GTSE1: variants seen among roughly 807,000 people sequenced by gnomAD.
GTSE1 encodes the protein G2 and S-phase expressed 1, also known as G2 and S phase-expressed protein 1.
In GTSE1, 52 loss-of-function variants were observed where a neutral mutation model predicts 60.5. The observed-to-expected ratio is 0.86, with a 90% confidence interval of 0.69 to 1.08. GTSE1 has a LOEUF of 1.08. Among genes scored for constraint, GTSE1 ranks in the 50% least tolerant of loss-of-function variants. The pLI, the probability that GTSE1 is intolerant of heterozygous loss-of-function variation, is 0.00. For missense variants in GTSE1, 937 were observed against 961.8 expected, an observed-to-expected ratio of 0.97 and a Z score of 0.34; for synonymous variants, 368 against 386.5, an observed-to-expected ratio of 0.95 and a Z score of 0.56.
intron 9 of GTSE1, chr22:46,327,151 G>A (rs2077848986): frequency 6.6e-6 from 1 of 152,262 alleles, no homozygotes; most frequent in Non-Finnish European, 1.5e-5. Flanking sequence ...GCAGTGAGCT[G>A]AGATTGCCCC....
rs1329768135 is a variant in GTSE1, at chr22:46,317,065, A to G, written c.1432+653A>G. On this transcript the variant is annotated intron_variant, in intron 7 of 11. Transcript: ENST00000454366. This position sits in a 1 kb window ranked among gnomAD's most constrained non-coding sequence, Gnocchi z 5.6. ...TAACCTCCACCTACCGAGTTCAAGC[A>G]ATTCTCCTGCCTCAGCCTCCCGAGT... Among the ~76,000 whole-genome samples the G allele has an allele frequency of 2.0e-5, 3 of 151,946 alleles. No individual in the cohort carries two copies. The highest frequency in any genetic ancestry group is 4.8e-5 in the African/African-American group (2 of 41,366).
chr22:46,314,044 C>T lies in GTSE1; in HGVS notation c.1051+31C>T. 1 of 1,612,600 alleles carries T rather than the reference C, an allele frequency of 6.2e-7. No individual in the cohort carries two copies. The highest frequency in any genetic ancestry group is 8.5e-7 in the Non-Finnish European group (1 of 1,179,028). On this transcript the variant is annotated intron_variant, in intron 6 of 11. Coordinates refer to ENST00000454366, the MANE Select transcript of GTSE1 (RefSeq NM_016426.7). This position sits in a 1 kb window ranked among gnomAD's most constrained non-coding sequence, Gnocchi z 7.1. ...GCAGCCGGCATCATGCTTGGACCCA[C>T]ATCTGGCCAGGTGAGGCCTGGAGTG...
chr22:46,322,747 G>A (rs907889544), intron 7 of GTSE1, among the ~76,000 whole-genome samples: 2 of 152,318 alleles, frequency 1.3e-5, no homozygotes, highest in Non-Finnish European at 2.9e-5. Flanking sequence ...GTCATGGTTC[G>A]GGAAAATGAG....
intron 4 of GTSE1, 88 bp from the exon 5 acceptor site, chr22:46,312,053 G>A (rs1241474036): frequency 1.8e-6 from 2 of 1,115,218 alleles, no homozygotes; most frequent in African/African-American, 3.1e-5. Context: ...GGAAGATGGG[G>A]CCTAGGCTCG....
At chr22:46,323,724 G>C (rs574818605) in intron 8 of GTSE1, among the ~76,000 whole-genome samples, 151 of 152,148 alleles carry the variant, frequency 9.9e-4, no homozygotes, top group African/African-American at 3.5e-3. Flanking sequence ...GTCTTGCTCT[G>C]TCGCCCAGGC....
At position 46,304,871 on chromosome 22, in the gene GTSE1, C is replaced by T. The variant is rs1024117954; in HGVS notation, c.80-3279C>T. Among the ~76,000 whole-genome samples, 3 of 152,098 alleles carry T rather than the reference C, an allele frequency of 2.0e-5. No homozygotes were observed. The highest frequency in any genetic ancestry group is 6.6e-5 in the Admixed American group (1 of 15,264). Reference sequence around the variant, plus strand: ...GTGCGTGCCTGTAGTCCCAGCTACTCGGGAAGCCGAGACAGGAGGATCCCT... The same window carrying T: ...GTGCGTGCCTGTAGTCCCAGCTACTTGGGAAGCCGAGACAGGAGGATCCCT... On this transcript the variant is annotated intron_variant, in intron 2 of 11. Coordinates refer to ENST00000454366, the MANE Select transcript of GTSE1 (RefSeq NM_016426.7). This position sits in a 1 kb window ranked among gnomAD's most constrained non-coding sequence, Gnocchi z 4.4.
chr22:46,308,799 G>T lies in GTSE1; in HGVS notation c.618G>T (p.Pro206=). 1 of 1,613,210 alleles carries T rather than the reference G, an allele frequency of 6.2e-7. No individual in the cohort carries two copies. Among genetic ancestry groups the T allele is most frequent in the East Asian group, 2.2e-5 (1 of 44,884 alleles). The stretch of plus-strand genomic sequence containing the variant: ...GCCTCACCCGGGCGCCGGGGCCTCC[G>T]CACTCTGCTCATGCTTTGCCCAGGG... The part of the protein sequence containing the change: ...QARLTRAPGP[P]HSAHALPRES... Residue 206 remains proline (P), a synonymous_variant, in exon 4 of 12, where the codon CCG becomes CCT. Transcript: ENST00000454366.
chr22:46,305,185 C>G (rs757219139), intron 2 of GTSE1, among the ~76,000 whole-genome samples: 1 of 152,096 alleles, frequency 6.6e-6, no homozygotes, highest in Non-Finnish European at 1.5e-5. Flanking sequence ...TCCTATGAAT[C>G]TAGTTGGGAC....
In GTSE1 at chr22:46,309,051, C is replaced by A; in HGVS notation, c.762+108C>A. The A allele has an allele frequency of 8.1e-7, 1 of 1,230,580 alleles. No individual in the cohort carries two copies. The highest frequency in any genetic ancestry group is 1.1e-6 in the Non-Finnish European group (1 of 890,206). 76.2% of individuals were successfully genotyped at this position (1,230,580 alleles called of 1,614,324 possible). A position where few individuals can be genotyped will look rare whatever the true frequency, so the allele number is the denominator to read the frequency against. ...CCTCAGAGGTGGCGAGTCTCTGAGGCCTACAAAACACAGGAATGCGGAGTC... is the reference window on the plus strand; with the variant it reads ...CCTCAGAGGTGGCGAGTCTCTGAGGACTACAAAACACAGGAATGCGGAGTC... On this transcript the variant is annotated intron_variant, in intron 4 of 11. Transcript: ENST00000454366. The surrounding 1 kb of genome is among the most constrained non-coding windows in gnomAD (Gnocchi z 6.2).
rs1601920117 is a variant in GTSE1 at position 46,329,454 on chromosome 22, A to G, written c.2023A>G (p.Thr675Ala). ...IDLPLIDFCD[T>A]PEAHVAVGSE... ...CCTTCCTCTCATCGACTTCTGCGAT[A>G]CCCCAGAAGCACACGTGGCTGTAGG... The change falls in exon 11 of 12, where the codon ACC becomes GCC. Residue 675 changes from threonine to alanine, a missense_variant. Coordinates refer to ENST00000454366, the MANE Select transcript of GTSE1 (RefSeq NM_016426.7). The surrounding 1 kb of genome is among the most constrained non-coding windows in gnomAD (Gnocchi z 6.4). 1 of 1,614,076 alleles carries G rather than the reference A, an allele frequency of 6.2e-7. No homozygotes were observed. The highest frequency in any genetic ancestry group is 8.5e-7 in the Non-Finnish European group (1 of 1,179,970).
rs535700084 is a variant in GTSE1, at chr22:46,309,253, C to G, written c.762+310C>G. Among the ~76,000 whole-genome samples, 104 of 152,366 alleles carry G rather than the reference C, an allele frequency of 6.8e-4. No individual in the cohort carries two copies. The highest frequency in any genetic ancestry group is 2.4e-3 in the African/African-American group (99 of 41,590). On this transcript the variant is annotated intron_variant, in intron 4 of 11. Coordinates refer to ENST00000454366, the MANE Select transcript of GTSE1 (RefSeq NM_016426.7). The surrounding 1 kb of genome is among the most constrained non-coding windows in gnomAD (Gnocchi z 6.2). ...TAATAAGCAACCTCTTCCAAAAACT[C>G]CCCTCCTCTGCAATGGCTGCTAGTC...
rs1419564047 is a variant in GTSE1 at position 46,329,345 on chromosome 22, G to C, written c.1927-13G>C. 6.2e-7 allele frequency: 1 copy of C among 1,607,350 alleles called. No homozygotes were observed. Among genetic ancestry groups the C allele is most frequent in the Admixed American group, 1.7e-5 (1 of 60,004 alleles). The stretch of plus-strand genomic sequence containing the variant: ...ATGCTGGACTCTGCTCTTAACCTTG[G>C]TTTTGTACCCAGGCTCTTCTTGTAG... On this transcript the variant is annotated splice_polypyrimidine_tract_variant and intron_variant, in intron 10 of 11. Transcript: ENST00000454366. The surrounding 1 kb of genome is among the most constrained non-coding windows in gnomAD (Gnocchi z 6.4).
chr22:46,301,322 G>C (rs990729706), intron 2 of GTSE1, among the ~76,000 whole-genome samples: 3 of 152,090 alleles, frequency 2.0e-5, no homozygotes, highest in Non-Finnish European at 4.4e-5. Context: ...TTCTTACTTC[G>C]ATAGGTACTG....
At position 46,329,034 on chromosome 22, in the gene GTSE1, A is replaced by C. The variant is rs1446041145; in HGVS notation, c.1926+145A>C. On this transcript the variant is annotated intron_variant, in intron 10 of 11. Coordinates refer to ENST00000454366, the MANE Select transcript of GTSE1 (RefSeq NM_016426.7). This position sits in a 1 kb window ranked among gnomAD's most constrained non-coding sequence, Gnocchi z 6.4. ...AGTGCCTCCGTGCCAAGCAACCCAA[A>C]GGGAGGCAGTCAGGACTTCCAGGCC... 1 of 675,192 alleles carries C rather than the reference A, an allele frequency of 1.5e-6. No homozygotes were observed. The highest frequency in any genetic ancestry group is 2.5e-6 in the Non-Finnish European group (1 of 393,686). The allele number at this position is 675,192 out of a possible 1,614,324, so 41.8% of individuals were successfully genotyped here. A position where few individuals can be genotyped will look rare whatever the true frequency, so the allele number is the denominator to read the frequency against.
chr22:46,296,953 G>C (rs1379319571), intron 1 of GTSE1, 22 bp downstream of exon 1: 1 of 172,542 alleles, frequency 5.8e-6, no homozygotes, highest in Non-Finnish European at 1.2e-5. Flanking sequence ...TCAGGGTCGG[G>C]GGCGAGGCTT....
chr22:46,297,956 TTTTATTTA>T lies in GTSE1; in HGVS notation c.79+496_79+503del, dbSNP rs111808708. On this transcript the variant is annotated intron_variant, in intron 2 of 11. Transcript: ENST00000454366. This position sits in a 1 kb window ranked among gnomAD's most constrained non-coding sequence, Gnocchi z 4.9. ...ACACCCTCTTTTTCTCTCAAAGCGT[TTTTATTTA>T]TTTATTTATTTATTTATTGACGGAG... Among the ~76,000 whole-genome samples the T allele has an allele frequency of 6.6e-6, 1 of 151,674 alleles. No individual in the cohort carries two copies. Among genetic ancestry groups the T allele is most frequent in the Non-Finnish European group, 1.5e-5 (1 of 67,976 alleles).
rs2077768046 is a variant in GTSE1 at position 46,314,626 on chromosome 22, A to G, written c.1051+613A>G. Among the ~76,000 whole-genome samples the G allele has an allele frequency of 6.6e-6, 1 of 152,152 alleles. No homozygotes were observed. Among genetic ancestry groups the G allele is most frequent in the Admixed American group, 6.5e-5 (1 of 15,278 alleles). ...CGCAGGGGCTCACGCCTGTGATCCC[A>G]GCACTTTGGCAGGCCAAGATGGGTG... On this transcript the variant is annotated intron_variant, in intron 6 of 11. Coordinates refer to ENST00000454366, the MANE Select transcript of GTSE1 (RefSeq NM_016426.7). The surrounding 1 kb of genome is among the most constrained non-coding windows in gnomAD (Gnocchi z 7.1).
intron 8 of GTSE1, among the ~76,000 whole-genome samples, chr22:46,325,448 G>A (rs557264530): frequency 3.9e-5 from 6 of 152,132 alleles, no homozygotes; most frequent in African/African-American, 7.2e-5. Context: ...CACCCGCCTC[G>A]GCCTCCCAAA....
Position 46,316,575 on chromosome 22 carries a change from G to A in GTSE1, c.1432+163G>A, listed in dbSNP as rs988281641. Among the ~76,000 whole-genome samples, 4 of 152,210 alleles carry A rather than the reference G, an allele frequency of 2.6e-5. No homozygotes were observed. The highest frequency in any genetic ancestry group is 5.9e-5 in the Non-Finnish European group (4 of 68,038). Reference sequence around the variant, plus strand: ...CTTCTCGCCCACGTTGTTTTGGGGGGTCACTGGAGGCTCCCTGAATGTCTT... The same window carrying A: ...CTTCTCGCCCACGTTGTTTTGGGGGATCACTGGAGGCTCCCTGAATGTCTT... On this transcript the variant is annotated intron_variant, in intron 7 of 11. Coordinates refer to ENST00000454366, the MANE Select transcript of GTSE1 (RefSeq NM_016426.7). This position sits in a 1 kb window ranked among gnomAD's most constrained non-coding sequence, Gnocchi z 5.0.
Sources: allele counts gnomAD v4.1 joint callset (sites outside exome capture counted in the v4.1 genomes callset), GRCh38; gene constraint gnomAD v4.1.1; non-coding constraint Gnocchi (gnomAD v3.1); transcripts MANE v1.5; gene names NCBI Gene and HGNC (gene_info 2026-07-23, HGNC 2026-07-21).